CAP2: variants seen among roughly 807,000 people sequenced by gnomAD.
CAP2 encodes adenylyl cyclase-associated protein 2.
A neutral mutation model predicts 57.7 loss-of-function variants in CAP2; 24 were observed. The observed-to-expected ratio is 0.42, with a 90% confidence interval of 0.30 to 0.58. CAP2 has a LOEUF of 0.58. CAP2 is among the 20% of genes least tolerant of loss of function. The pLI is 0.22. For missense variants in CAP2, 501 were observed against 590.3 expected (o/e 0.85, Z 1.57); for synonymous variants, 194 against 207.2 (o/e 0.94, Z 0.55).
chr6:17,481,515 T>G (rs1373411845), intron 4 of CAP2, among the ~76,000 whole-genome samples: 1 of 152,228 alleles, frequency 6.6e-6, no homozygotes, highest in African/African-American at 2.4e-5. Flanking sequence ...TTTGAGATTC[T>G]GCTAATACCT....
At chr6:17,524,175 C>T (rs1762449139) in intron 7 of CAP2, among the ~76,000 whole-genome samples, 1 of 151,302 alleles carries the variant, frequency 6.6e-6, no homozygotes, top group Non-Finnish European at 1.5e-5. Context: ...TTTCTTATGG[C>T]TTCAATTTCT....
chr6:17,426,559 C>G (rs766769763), intron 2 of CAP2, 31 bp from the exon 3 acceptor site: 1 of 1,524,184 alleles, frequency 6.6e-7, no homozygotes, highest in Non-Finnish European at 9.1e-7. Context: ...ATTCAACGGC[C>G]AGGGAATAAC....
chr6:17,462,052 C>CA (rs1036738776), intron 3 of CAP2, among the ~76,000 whole-genome samples: 3 of 124,472 alleles, frequency 2.4e-5, no homozygotes, highest in Admixed American at 8.0e-5. Context: ...AAAAAAGAAC[C>CA]AAAAAAACCC....
At chr6:17,402,945 G>A (rs2113503329) in intron 1 of CAP2, among the ~76,000 whole-genome samples, 1 of 152,250 alleles carries the variant, frequency 6.6e-6, no homozygotes, top group South Asian at 2.1e-4. Flanking sequence ...TCACTACCAT[G>A]TGATGTTGGA....
chr6:17,496,028 G>GGCGGGA lies in CAP2; in HGVS notation c.301-11140_301-11139insCGGGAG, dbSNP rs71866539. On this transcript the variant is annotated intron_variant, in intron 4 of 12. Transcript: ENST00000229922. ...AACTGCTGTGCATGCGTGTGTGGGT[G>GGCGGGA]GGGGGGGGGGGTAAGTCAGGGAAAA... 3.6e-4 allele frequency among the ~76,000 whole-genome samples: 7 copies of GGCGGGA among 19,426 alleles called. 1 individual carries two copies. Among genetic ancestry groups the GGCGGGA allele is most frequent in the Admixed American group, 7.6e-4 (1 of 1,314 alleles). The allele number at this position is 19,426 out of a possible 152,430, so 12.7% of individuals were successfully genotyped here.
intron 4 of CAP2, among the ~76,000 whole-genome samples, chr6:17,487,170 G>A (rs1761439189): frequency 6.6e-6 from 1 of 152,192 alleles, no homozygotes; most frequent in Non-Finnish European, 1.5e-5. Flanking sequence ...CCTGCTGGAA[G>A]CCCTGTCCCT....
At chr6:17,416,556 C>T (rs1759280371) in intron 1 of CAP2, among the ~76,000 whole-genome samples, 1 of 152,124 alleles carries the variant, frequency 6.6e-6, no homozygotes, top group South Asian at 2.1e-4. Context: ...GTAGTGAGGA[C>T]TGGGCAAGCA....
chr6:17,470,045 C>G (rs1444541434), intron 4 of CAP2, among the ~76,000 whole-genome samples: 4 of 152,200 alleles, frequency 2.6e-5, no homozygotes, highest in African/African-American at 9.6e-5. Context: ...TGAGGGTTGT[C>G]AAGAGCAGAA....
Position 17,397,201 on chromosome 6 carries a change from A to C in CAP2, c.-2+3455A>C, listed in dbSNP as rs570713709. 2.0e-5 allele frequency among the ~76,000 whole-genome samples: 3 copies of C among 152,174 alleles called. No individual in the cohort carries two copies. The East Asian group carries it at 5.9e-4, about 30-fold the overall frequency. ...CAGCCTCCTGAGTAGCTGGGATTACAGACGCGGGCCACCATGCCTGGCTAA... is the reference window on the plus strand; with the variant it reads ...CAGCCTCCTGAGTAGCTGGGATTACCGACGCGGGCCACCATGCCTGGCTAA... On this transcript the variant is annotated intron_variant, in intron 1 of 12. Coordinates refer to ENST00000229922, the MANE Select transcript of CAP2 (RefSeq NM_006366.3).
rs577231137 is a variant in CAP2, at chr6:17,480,346, T to C, written c.300+17273T>C. On this transcript the variant is annotated intron_variant, in intron 4 of 12. Transcript: ENST00000229922. ...TGCAAGGGCCCAAAATGTCCATCCTTCTCTTCCTAATCTGTATATTTTTCA... is the reference window on the plus strand; with the variant it reads ...TGCAAGGGCCCAAAATGTCCATCCTCCTCTTCCTAATCTGTATATTTTTCA... 8.5e-5 allele frequency among the ~76,000 whole-genome samples: 13 copies of C among 152,294 alleles called. No homozygotes were observed. In the South Asian group the frequency reaches 2.7e-3, roughly 32 times the overall value.
At chr6:17,398,090 GT>G (rs1173369177) in intron 1 of CAP2, among the ~76,000 whole-genome samples, 1 of 152,184 alleles carries the variant, frequency 6.6e-6, no homozygotes, top group Non-Finnish European at 1.5e-5. Context: ...TTTAAGAAGT[GT>G]GGAAAATCTA....
At chr6:17,543,213 C>G (rs1474670350) in intron 11 of CAP2, 70 bp downstream of exon 11, 15 of 1,284,478 alleles carry the variant, frequency 1.2e-5, no homozygotes, top group Non-Finnish European at 1.7e-5. Context: ...TAAGCAGAGC[C>G]TTTCCAACCA....
chr6:17,535,429 C>T (rs1466956840), intron 7 of CAP2, among the ~76,000 whole-genome samples: 1 of 152,066 alleles, frequency 6.6e-6, no homozygotes, highest in Non-Finnish European at 1.5e-5. Context: ...TGCCCACCAC[C>T]ACGCCAGGCT....
chr6:17,395,936 A>G (rs969795919), intron 1 of CAP2, among the ~76,000 whole-genome samples: 3 of 152,162 alleles, frequency 2.0e-5, no homozygotes, highest in African/African-American at 7.2e-5. Context: ...CAACATATAA[A>G]GAGTTCTTAC....
At chr6:17,533,868 A>T (rs1762709117) in intron 7 of CAP2, among the ~76,000 whole-genome samples, 1 of 152,186 alleles carries the variant, frequency 6.6e-6, no homozygotes, top group South Asian at 2.1e-4. Flanking sequence ...GCCCAGCCTC[A>T]TTTTTTTAAG....
intron 1 of CAP2, among the ~76,000 whole-genome samples, chr6:17,414,878 A>G (rs773723023): frequency 6.6e-6 from 1 of 152,168 alleles, no homozygotes; most frequent in Non-Finnish European, 1.5e-5. Context: ...CCAACAGCGT[A>G]AAAGTGTTCC....
At chr6:17,521,876 A>G (rs965529804) in intron 7 of CAP2, among the ~76,000 whole-genome samples, 1 of 152,150 alleles carries the variant, frequency 6.6e-6, no homozygotes, top group Non-Finnish European at 1.5e-5. Flanking sequence ...TGGGAGGCTG[A>G]GGCGGGTAGA....
chr6:17,527,650 G>A (rs1296504797), intron 7 of CAP2, among the ~76,000 whole-genome samples: 1 of 144,936 alleles, frequency 6.9e-6, no homozygotes, highest in East Asian at 2.0e-4. Context: ...AGGCTGGAGT[G>A]CAGTGGCACG....
At chr6:17,418,510 G>A (rs970142214) in intron 1 of CAP2, among the ~76,000 whole-genome samples, 1 of 152,162 alleles carries the variant, frequency 6.6e-6, no homozygotes, top group East Asian at 1.9e-4. Context: ...GAGATAGTGC[G>A]AGTTTGGGTC....
Sources: gnomAD v4.1 joint callset for allele counts (sites outside exome capture counted in the v4.1 genomes callset) on GRCh38, gnomAD v4.1.1 for gene constraint, MANE v1.5 for transcripts, NCBI Gene and HGNC (gene_info 2026-07-23, HGNC 2026-07-21) for gene names.